The following OR10J1 variants were observed in gnomAD, a reference collection of about 807,000 sequenced individuals.
OR10J1 encodes the protein olfactory receptor 10J1.
For missense variants in OR10J1, 474 were observed against 376.6 expected, an observed-to-expected ratio of 1.26 and a Z score of -2.14; for synonymous variants, 202 against 143.8, an observed-to-expected ratio of 1.40 and a Z score of -2.89.
the OR10J1 span, among the ~76,000 whole-genome samples, chr1:159,413,934 C>CA: frequency 5.9e-5 from 9 of 151,852 alleles, no homozygotes; most frequent in Non-Finnish European, 1.2e-4. Context: ...ATAGTTCACA[C>CA]TTATTTAATG....
At chr1:159,416,049 C>T in the OR10J1 span, among the ~76,000 whole-genome samples, 3 of 151,816 alleles carry the variant, frequency 2.0e-5, no homozygotes, top group South Asian at 2.1e-4. Flanking sequence ...TACAACTTTA[C>T]TAAATTTATT....
chr1:159,418,138 C>T, the OR10J1 span, among the ~76,000 whole-genome samples: 1 of 152,162 alleles, frequency 6.6e-6, no homozygotes, highest in Admixed American at 6.5e-5. Context: ...AATTTGCAGT[C>T]TGACAATGCA....
chr1:159,423,836 C>T, the OR10J1 span, among the ~76,000 whole-genome samples: 7 of 152,138 alleles, frequency 4.6e-5, no homozygotes, highest in Admixed American at 4.6e-4. Context: ...AAACTACTTG[C>T]CATTGTATTG....
Position 159,440,410 on chromosome 1 carries a change from G to C in OR10J1, c.619G>C (p.Val207Leu), listed in dbSNP as rs772389245. 86 of 1,614,026 alleles carry C rather than the reference G, an allele frequency of 5.3e-5. No individual in the cohort carries two copies. The highest frequency in any genetic ancestry group is 6.8e-5 in the Non-Finnish European group (80 of 1,180,018). Reference sequence around the variant, plus strand: ...TTTGATTATCAGTGTGCTGGTGCTTGTTGTACCTATGGGTCTGGTTTTCAT... The same window carrying C: ...TTTGATTATCAGTGTGCTGGTGCTTCTTGTACCTATGGGTCTGGTTTTCAT... Reference protein sequence around the residue: ...LTLIISVLVLVVPMGLVFISY... With the variant: ...LTLIISVLVLLVPMGLVFISY... Residue 207 changes from valine to leucine, a missense_variant, in exon 1 of 1, where the codon GTT becomes CTT. By Grantham distance (32) the Val-to-Leu change is conservative (BLOSUM62 1). Coordinates refer to ENST00000423932, the MANE Select transcript of OR10J1 (RefSeq NM_012351.3).
the OR10J1 span, chr1:159,432,355 G>T: frequency 7.5e-6 from 3 of 401,478 alleles, no homozygotes; most frequent in South Asian, 3.8e-4. Flanking sequence ...ATAGTTATCC[G>T]CCTTAACCAT....
At chr1:159,408,226 C>G in the OR10J1 span, among the ~76,000 whole-genome samples, 1 of 151,870 alleles carries the variant, frequency 6.6e-6, no homozygotes, top group Non-Finnish European at 1.5e-5. Context: ...AAATGTCCAA[C>G]AATGATAGAC....
At chr1:159,428,961 G>T in the OR10J1 span, among the ~76,000 whole-genome samples, 1 of 152,222 alleles carries the variant, frequency 6.6e-6, no homozygotes, top group African/African-American at 2.4e-5. Context: ...TTACTGAAGA[G>T]CCCAAGTCTT....
the OR10J1 span, among the ~76,000 whole-genome samples, chr1:159,420,009 T>C: frequency 6.6e-6 from 1 of 152,166 alleles, no homozygotes; most frequent in Middle Eastern, 3.2e-3. Flanking sequence ...GCTCTGATGT[T>C]GGTGCATATA....
At chr1:159,432,225 G>T in the OR10J1 span, 1 of 400,806 alleles carries the variant, frequency 2.5e-6, no homozygotes. Flanking sequence ...CAATTTCATG[G>T]CTGTGACAGA....
At chr1:159,436,464 C>A (rs1655740902), upstream of OR10J1, among the ~76,000 whole-genome samples, 2 of 152,094 alleles carry the variant, frequency 1.3e-5, 1 homozygote, top group South Asian at 4.1e-4. Flanking sequence ...CAATTGCCAC[C>A]CCTCTAGATC....
chr1:159,405,710 T>G, the OR10J1 span: 3 of 694,776 alleles, frequency 4.3e-6, no homozygotes, highest in Non-Finnish European at 7.6e-6. Flanking sequence ...ATGGTGTAGA[T>G]GATGAGGTCA....
chr1:159,440,641 C>T lies in OR10J1; in HGVS notation c.850C>T (p.Leu284=), dbSNP rs139080966. ...GACCTACACTGTCATCACTCCCCTACTGAACCCTGTGGTATACACCCTGAG... is the reference window on the plus strand; with the variant it reads ...GACCTACACTGTCATCACTCCCCTATTGAACCCTGTGGTATACACCCTGAG... ...SVTYTVITPL[L]NPVVYTLRNK... is the part of the protein sequence containing the mutation. The change falls in exon 1 of 1, where the codon CTG becomes TTG. Residue 284 remains leucine, a synonymous_variant. Coordinates refer to ENST00000423932, the MANE Select transcript of OR10J1 (RefSeq NM_012351.3). The T allele has an allele frequency of 6.2e-7, 1 of 1,613,988 alleles. No individual in the cohort carries two copies. The highest frequency in any genetic ancestry group is 1.1e-5 in the South Asian group (1 of 91,068).
the OR10J1 span, among the ~76,000 whole-genome samples, chr1:159,424,089 G>A: frequency 6.6e-6 from 1 of 151,922 alleles, no homozygotes; most frequent in Non-Finnish European, 1.5e-5. Flanking sequence ...GGTGGCAGGT[G>A]CCCGTAATCC....
the OR10J1 span, among the ~76,000 whole-genome samples, chr1:159,423,297 G>A: frequency 1.3e-5 from 2 of 151,976 alleles, no homozygotes; most frequent in Non-Finnish European, 2.9e-5. Context: ...TTAGCTTTTG[G>A]TTTACATGCT....
chr1:159,417,651 G>T, the OR10J1 span, among the ~76,000 whole-genome samples: 1 of 152,228 alleles, frequency 6.6e-6, no homozygotes, highest in East Asian at 1.9e-4. Context: ...GTCTTTATTA[G>T]CAGTGCAAGA....
chr1:159,405,181 A>G, the OR10J1 span, among the ~76,000 whole-genome samples: 2 of 152,148 alleles, frequency 1.3e-5, no homozygotes, highest in Admixed American at 6.6e-5. Flanking sequence ...TGTATAAGGA[A>G]CAACTAAATT....
chr1:159,399,514 T>C, the OR10J1 span, among the ~76,000 whole-genome samples: 1 of 131,640 alleles, frequency 7.6e-6, no homozygotes, highest in Non-Finnish European at 1.5e-5. Context: ...GAGCTTGCAG[T>C]GAGCAGAGAT....
the OR10J1 span, among the ~76,000 whole-genome samples, chr1:159,409,858 T>C: frequency 5.3e-5 from 8 of 152,154 alleles, no homozygotes; most frequent in Non-Finnish European, 1.0e-4. Context: ...TGTTATTACT[T>C]TGAGATACGT....
upstream of OR10J1, among the ~76,000 whole-genome samples, chr1:159,439,239 C>T (rs1655830013): frequency 1.3e-5 from 2 of 152,194 alleles, no homozygotes; most frequent in Admixed American, 1.3e-4. Flanking sequence ...GAAAAGACAT[C>T]ACTAGTCCAT....
Sources: gnomAD v4.1 joint callset for allele counts (sites outside exome capture counted in the v4.1 genomes callset) on GRCh38, gnomAD v4.1.1 for gene constraint, MANE v1.5 for transcripts, NCBI Gene and HGNC (gene_info 2026-07-23, HGNC 2026-07-21) for gene names.